Variants in WWOX observed in about 807,000 individuals in gnomAD.
WWOX encodes WW domain containing oxidoreductase, also known as WW domain-containing oxidoreductase.
In WWOX, 69 loss-of-function variants were observed where a neutral mutation model predicts 46.2. The observed-to-expected ratio is 1.49, with a 90% CI of 1.23 to 1.82. The LOEUF (loss-of-function observed/expected upper bound fraction) is 1.82. Ranked by LOEUF, WWOX falls within the 40% of genes most tolerant of loss-of-function variation. The probability of loss-of-function intolerance (pLI) is 0.00; values close to 1 mark genes in which losing one functional copy is unlikely to be tolerated. For missense variants in WWOX, 919 were observed against 542.6 expected (o/e 1.69, Z -6.89); for synonymous variants, 359 against 202.6 (o/e 1.77, Z -6.56).
rs567934515 is a variant in WWOX, at chr16:78,931,968, A to G, written c.1057-279640A>G. Among the ~76,000 whole-genome samples, 9 of 152,378 alleles carry G rather than the reference A, an allele frequency of 5.9e-5. No homozygotes were observed. In the East Asian group the frequency reaches 7.7e-4, roughly 13 times the overall value. On this transcript the variant is annotated intron_variant, in intron 8 of 8. Transcript: ENST00000566780. ...GTTTTATAAAGGGCAGTTCCCCTGC[A>G]CAAACTCTCTTGCCTGCTGCCATTT... is the stretch of plus-strand genomic sequence containing the variant.
chr16:78,358,771 C>G (rs905458559), intron 5 of WWOX, among the ~76,000 whole-genome samples: 1 of 151,350 alleles, frequency 6.6e-6, no homozygotes, highest in Non-Finnish European at 1.5e-5. Flanking sequence ...AAAAATTGTT[C>G]CTTGTGTCAG....
chr16:78,765,623 G>A (rs138607294), intron 8 of WWOX, among the ~76,000 whole-genome samples: 1 of 152,252 alleles, frequency 6.6e-6, no homozygotes, highest in East Asian at 1.9e-4. Context: ...ACGTTGCAGT[G>A]AGCCGAGATT....
intron 8 of WWOX, among the ~76,000 whole-genome samples, chr16:78,847,489 C>G (rs1167134139): frequency 6.6e-6 from 1 of 151,878 alleles, no homozygotes; most frequent in Non-Finnish European, 1.5e-5. Flanking sequence ...TTTTTTCAAA[C>G]TTGTTTCTTT....
intron 8 of WWOX, among the ~76,000 whole-genome samples, chr16:78,668,648 A>G (rs943019227): frequency 1.8e-4 from 27 of 152,264 alleles, no homozygotes; most frequent in African/African-American, 6.5e-4. Context: ...GGGGGTGAGG[A>G]TAAGAAGGAG....
At chr16:78,994,156 C>G (rs1021538061) in intron 8 of WWOX, among the ~76,000 whole-genome samples, 1 of 152,178 alleles carries the variant, frequency 6.6e-6, no homozygotes, top group Non-Finnish European at 1.5e-5. Flanking sequence ...ATCAAAACCC[C>G]CTTCAGACAA....
chr16:78,724,630 A>G (rs1597496272), intron 8 of WWOX, among the ~76,000 whole-genome samples: 1 of 152,208 alleles, frequency 6.6e-6, no homozygotes, highest in South Asian at 2.1e-4. Flanking sequence ...AAGAATCCCC[A>G]GAGCTGGGAA....
intron 8 of WWOX, among the ~76,000 whole-genome samples, chr16:78,480,664 G>A (rs369099125): frequency 3.9e-5 from 6 of 152,320 alleles, no homozygotes; most frequent in African/African-American, 1.4e-4. Flanking sequence ...CAGATGCACT[G>A]ACACAGGTAC....
At position 78,428,971 on chromosome 16, in the gene WWOX, C is replaced by T. The variant is rs115260983; in HGVS notation, c.792-3517C>T. Among the ~76,000 whole-genome samples the T allele has an allele frequency of 3.9e-3, 597 of 152,268 alleles. 2 individuals carry two copies. Among genetic ancestry groups the T allele is most frequent in the African/African-American group, 0.013 (555 of 41,556 alleles). On this transcript the variant is annotated intron_variant, in intron 7 of 8. Transcript: ENST00000566780. ...AGAGCAATGCTTGAAACAAGGGAAA[C>T]TGTCAAATTCTCATCATGGGATTTG...
chr16:78,682,812 T>A (rs2047761433), intron 8 of WWOX, among the ~76,000 whole-genome samples: 1 of 152,218 alleles, frequency 6.6e-6, no homozygotes, highest in African/African-American at 2.4e-5. Flanking sequence ...GTCCACAGCA[T>A]GGGACAAAGG....
chr16:78,423,698 T>A (rs2083005994), intron 6 of WWOX, among the ~76,000 whole-genome samples: 1 of 151,836 alleles, frequency 6.6e-6, no homozygotes, highest in Non-Finnish European at 1.5e-5. Context: ...AGAAATAAAA[T>A]AGCCATGCAT....
chr16:79,140,137 T>G (rs2050061805), intron 8 of WWOX, among the ~76,000 whole-genome samples: 1 of 152,172 alleles, frequency 6.6e-6, no homozygotes, highest in East Asian at 1.9e-4. Flanking sequence ...GTGGTTGTTG[T>G]TATTGTTTTT....
In WWOX at chr16:79,062,473, G is replaced by A. The variant is rs371074246; in HGVS notation, c.1057-149135G>A. Reference sequence around the variant, plus strand: ...AGGACACTTCCCGGTGCCGTGCGGTGTAAATCACAGTGCAAACTATGCGAT... The same window carrying A: ...AGGACACTTCCCGGTGCCGTGCGGTATAAATCACAGTGCAAACTATGCGAT... On this transcript the variant is annotated intron_variant, in intron 8 of 8. Transcript: ENST00000566780. Among the ~76,000 whole-genome samples, 57 of 152,274 alleles carry A rather than the reference G, an allele frequency of 3.7e-4. No homozygotes were observed. The East Asian group carries it at 6.0e-3, about 16-fold the overall frequency.
At position 79,211,802 on chromosome 16, in the gene WWOX, G is replaced by C. The variant is rs762408983; in HGVS notation, c.*6G>C. 2 of 1,614,080 alleles carry C rather than the reference G, an allele frequency of 1.2e-6. No homozygotes were observed. The highest frequency in any genetic ancestry group is 1.7e-6 in the Non-Finnish European group (2 of 1,180,000). ...TTGGCAGCCAGTCCGGCTAAGTGGAGCTCAGAGCGGATGGGCACACACACC... is the reference window on the plus strand; with the variant it reads ...TTGGCAGCCAGTCCGGCTAAGTGGACCTCAGAGCGGATGGGCACACACACC... On this transcript the variant is annotated 3_prime_UTR_variant, in exon 9 of 9. Coordinates refer to ENST00000566780, the MANE Select transcript of WWOX (RefSeq NM_016373.4).
At chr16:79,073,754 CAG>C (rs2048596299) in intron 8 of WWOX, among the ~76,000 whole-genome samples, 1 of 152,124 alleles carries the variant, frequency 6.6e-6, no homozygotes, top group South Asian at 2.1e-4. Flanking sequence ...TGTCGTATCT[CAG>C]GGCTTCCGTA....
At chr16:79,100,381 A>G (rs192525206) in intron 8 of WWOX, among the ~76,000 whole-genome samples, 1 of 152,304 alleles carries the variant, frequency 6.6e-6, no homozygotes, top group East Asian at 1.9e-4. Flanking sequence ...CGATTCAGAA[A>G]AGAAGCCCTG....
chr16:78,477,613 TA>T (rs2084382605), intron 8 of WWOX, among the ~76,000 whole-genome samples: 1 of 150,728 alleles, frequency 6.6e-6, no homozygotes, highest in South Asian at 2.1e-4. Flanking sequence ...TGTGAGATTT[TA>T]TTTTTTTTCA....
intron 8 of WWOX, among the ~76,000 whole-genome samples, chr16:79,184,370 A>G (rs1254895859): frequency 4.6e-5 from 7 of 152,184 alleles, no homozygotes; most frequent in African/African-American, 1.7e-4. Context: ...TGCATGTAGG[A>G]ACAAAGTGTG....
rs1360910578 is a variant in WWOX at position 79,178,104 on chromosome 16, C to G, written c.1057-33504C>G. Among the ~76,000 whole-genome samples the G allele has an allele frequency of 4.6e-5, 7 of 152,286 alleles. No individual in the cohort carries two copies. In the East Asian group the frequency reaches 1.2e-3, roughly 25 times the overall value. ...AATCACCTTTCAAAGGCCCTATCTTCTAATATTATCACATTGGAGATTCCT... is the reference window on the plus strand; with the variant it reads ...AATCACCTTTCAAAGGCCCTATCTTGTAATATTATCACATTGGAGATTCCT... On this transcript the variant is annotated intron_variant, in intron 8 of 8. Transcript: ENST00000566780.
chr16:78,669,567 C>T (rs80305919), intron 8 of WWOX, among the ~76,000 whole-genome samples: 4,143 of 152,280 alleles, frequency 0.027, 62 homozygotes, highest in East Asian at 0.065. Context: ...AAAATGTCAA[C>T]GTGCCCAGGT....
Sources: allele counts gnomAD v4.1 joint callset (sites outside exome capture counted in the v4.1 genomes callset), GRCh38; gene constraint gnomAD v4.1.1; transcripts MANE v1.5; gene names NCBI Gene and HGNC (gene_info 2026-07-23, HGNC 2026-07-21).